The following CACNA1C variants were observed in gnomAD, a reference collection of about 807,000 sequenced individuals.
CACNA1C encodes the protein voltage-dependent L-type calcium channel subunit alpha-1C.
Under a neutral mutation model 229.0 loss-of-function variants are expected in CACNA1C, and 30 were observed. The ratio of observed to expected loss-of-function variants is 0.13; its 90% CI spans 0.10 to 0.18. CACNA1C has a LOEUF of 0.18. Among genes scored for constraint, CACNA1C ranks in the 10% least tolerant of loss-of-function variants. The pLI, the probability that CACNA1C is intolerant of heterozygous loss-of-function variation, is 1.00. For missense variants in CACNA1C, 1,658 were observed against 2,845.0 expected (o/e 0.58, Z 9.49); for synonymous variants, 1,114 against 1,132.5 (o/e 0.98, Z 0.33).
At chr12:2,224,539 G>A (rs1287090695) in intron 3 of CACNA1C, among the ~76,000 whole-genome samples, 3 of 152,212 alleles carry the variant, frequency 2.0e-5, no homozygotes, top group Non-Finnish European at 4.4e-5. Context: ...AGGGTGGTCA[G>A]CTGCATTGCA....
Position 2,630,545 on chromosome 12 carries a change from A to G in CACNA1C, c.3829-3752A>G, listed in dbSNP as rs1290822879. ...GGGGACAAAGGGGCAATGGGGATGGAGGCCTGAAAGCTGGCCCTGAAATTG... is the reference window on the plus strand; with the variant it reads ...GGGGACAAAGGGGCAATGGGGATGGGGGCCTGAAAGCTGGCCCTGAAATTG... On this transcript the variant is annotated intron_variant, in intron 29 of 46. Coordinates refer to ENST00000399655, the MANE Select transcript of CACNA1C (RefSeq NM_000719.7). This position sits in a 1 kb window ranked among gnomAD's most constrained non-coding sequence, Gnocchi z 5.4. 6.6e-6 allele frequency among the ~76,000 whole-genome samples: 1 copy of G among 151,994 alleles called. No homozygotes were observed. Among genetic ancestry groups the G allele is most frequent in the East Asian group, 1.9e-4 (1 of 5,164 alleles).
At chr12:2,174,961 AGAGGAG>A (rs1005986876) in intron 3 of CACNA1C, among the ~76,000 whole-genome samples, 1 of 152,102 alleles carries the variant, frequency 6.6e-6, no homozygotes, top group Admixed American at 6.5e-5. Flanking sequence ...AGAAGTAGGA[AGAGGAG>A]GAGGAGGAGG....
chr12:2,652,375 T>C (rs1358289373), intron 32 of CACNA1C, among the ~76,000 whole-genome samples: 1 of 152,234 alleles, frequency 6.6e-6, no homozygotes, highest in African/African-American at 2.4e-5. Context: ...AATCAGCCCC[T>C]GCCAGCTCGG....
chr12:2,392,939 T>C (rs931827793), intron 3 of CACNA1C, among the ~76,000 whole-genome samples: 1 of 152,182 alleles, frequency 6.6e-6, no homozygotes, highest in African/African-American at 2.4e-5. Context: ...AATCCTTGTG[T>C]CCGTAAGAAC....
intron 3 of CACNA1C, among the ~76,000 whole-genome samples, chr12:2,230,482 T>TGAG (rs1255907259): frequency 3.3e-5 from 5 of 152,284 alleles, no homozygotes; most frequent in African/African-American, 1.2e-4. Context: ...ACTTAAAAGC[T>TGAG]GAGGGTAGAA....
At chr12:2,019,914 C>T (rs2046142474) in intron 1 of CACNA1C, 1 of 152,122 alleles carries the variant, frequency 6.6e-6, no homozygotes, top group South Asian at 2.1e-4. Flanking sequence ...TTTTATGTTT[C>T]TTACTATGCA....
chr12:2,652,328 C>A (rs1265811967), intron 32 of CACNA1C, among the ~76,000 whole-genome samples: 7 of 152,228 alleles, frequency 4.6e-5, no homozygotes, highest in Non-Finnish European at 8.8e-5. Context: ...ATCAGTTCCT[C>A]CGCTCAGCCA....
chr12:2,567,210 C>T (rs894396054), intron 12 of CACNA1C, among the ~76,000 whole-genome samples: 5 of 152,154 alleles, frequency 3.3e-5, no homozygotes, highest in African/African-American at 4.8e-5. Flanking sequence ...CAGTGCGGCT[C>T]CAACTGTTGG....
intron 3 of CACNA1C, among the ~76,000 whole-genome samples, chr12:2,405,691 C>G (rs1363066582): frequency 6.6e-6 from 1 of 152,192 alleles, no homozygotes; most frequent in Non-Finnish European, 1.5e-5. Flanking sequence ...GTGTCTGTCT[C>G]ACTTTTATCC....
At chr12:2,312,152 C>T (rs1324580625) in intron 3 of CACNA1C, among the ~76,000 whole-genome samples, 2 of 152,178 alleles carry the variant, frequency 1.3e-5, no homozygotes, top group Admixed American at 6.5e-5. Flanking sequence ...CAATCCTTCA[C>T]ACCCGCTCCG....
intron 3 of CACNA1C, among the ~76,000 whole-genome samples, chr12:2,383,829 G>A (rs945804842): frequency 6.6e-6 from 1 of 152,174 alleles, no homozygotes; most frequent in African/African-American, 2.4e-5. Flanking sequence ...AAGAGGCCAG[G>A]GCCCAGTCCT....
At chr12:2,509,571 G>A (rs2099779025) in intron 8 of CACNA1C, among the ~76,000 whole-genome samples, 1 of 152,166 alleles carries the variant, frequency 6.6e-6, no homozygotes, top group East Asian at 1.9e-4. Flanking sequence ...CTGGCCACTA[G>A]CACCGTAACT....
intron 15 of CACNA1C, among the ~76,000 whole-genome samples, chr12:2,583,923 T>C (rs1204651970): frequency 1.3e-5 from 2 of 152,152 alleles, no homozygotes; most frequent in Non-Finnish European, 2.9e-5. Context: ...AGCTATGCTT[T>C]CGTTGATTCT....
chr12:2,079,579 C>G (rs2064659909), intron 1 of CACNA1C, among the ~76,000 whole-genome samples: 1 of 152,158 alleles, frequency 6.6e-6, no homozygotes, highest in Admixed American at 6.5e-5. Context: ...CTAATTACCT[C>G]CAGAAGGCCG....
Position 2,275,036 on chromosome 12 carries a change from C to T in CACNA1C, c.477+154606C>T, listed in dbSNP as rs1304253661. On this transcript the variant is annotated intron_variant, in intron 3 of 46. Transcript: ENST00000399655. This position sits in a 1 kb window ranked among gnomAD's most constrained non-coding sequence, Gnocchi z 4.1. ...AGTGATGATTGGGATTCCATGCCTGCACCAGTGGTGGGAGAGATGCAGGTG... is the reference window on the plus strand; with the variant it reads ...AGTGATGATTGGGATTCCATGCCTGTACCAGTGGTGGGAGAGATGCAGGTG... Among the ~76,000 whole-genome samples, 1 of 152,236 alleles carries T rather than the reference C, an allele frequency of 6.6e-6. No individual in the cohort carries two copies. Among genetic ancestry groups the T allele is most frequent in the Non-Finnish European group, 1.5e-5 (1 of 68,038 alleles).
At chr12:2,179,112 G>A (rs776533126) in intron 3 of CACNA1C, among the ~76,000 whole-genome samples, 13 of 152,036 alleles carry the variant, frequency 8.6e-5, no homozygotes, top group Non-Finnish European at 1.6e-4. Flanking sequence ...ATGTGATGGC[G>A]GTCTTTTCTG....
intron 1 of CACNA1C, among the ~76,000 whole-genome samples, chr12:1,977,599 C>T (rs1476195318): frequency 1.2e-4 from 18 of 152,000 alleles, no homozygotes; most frequent in African/African-American, 3.6e-4. Context: ...TATTTGGCAC[C>T]ACAGAATATA....
At chr12:2,278,364 C>T (rs2089753024) in intron 3 of CACNA1C, among the ~76,000 whole-genome samples, 2 of 152,308 alleles carry the variant, frequency 1.3e-5, no homozygotes, top group Non-Finnish European at 2.9e-5. Flanking sequence ...GTGAGCATAT[C>T]CATCACTCCC....
At chr12:1,999,794 G>A (rs1371393342) in intron 1 of CACNA1C, among the ~76,000 whole-genome samples, 1 of 152,114 alleles carries the variant, frequency 6.6e-6, no homozygotes, top group African/African-American at 2.4e-5. Flanking sequence ...TAAAAGCATA[G>A]GTAAGTCAGG....
Sources: gnomAD v4.1 joint callset for allele counts (sites outside exome capture counted in the v4.1 genomes callset) on GRCh38, gnomAD v4.1.1 for gene constraint, Gnocchi (gnomAD v3.1) non-coding constraint, MANE v1.5 for transcripts, NCBI Gene and HGNC (gene_info 2026-07-23, HGNC 2026-07-21) for gene names.